The following NTN1 variants were observed in gnomAD, a reference collection of about 807,000 sequenced individuals.
The protein encoded by NTN1 is netrin-1.
NTN1 carries 11 observed loss-of-function variants against 54.2 expected under a neutral mutation model. The ratio of observed to expected loss-of-function variants is 0.20; its 90% CI spans 0.13 to 0.34. The LOEUF (loss-of-function observed/expected upper bound fraction) is 0.34. Ranked by LOEUF, NTN1 falls within the 10% of genes least tolerant of loss-of-function variation. The pLI, the probability that NTN1 is intolerant of heterozygous loss-of-function variation, is 1.00. For synonymous variants in NTN1, 371 were observed against 382.0 expected (o/e 0.97, Z 0.33); for missense variants, 740 against 893.1 (o/e 0.83, Z 2.18).
chr17:9,023,243 C>A lies in NTN1; in HGVS notation c.870C>A (p.His290Gln). 6.4e-7 allele frequency: 1 copy of A among 1,566,958 alleles called. No individual in the cohort carries two copies. The highest frequency in any genetic ancestry group is 2.4e-5 in the East Asian group (1 of 42,168). The change falls in exon 2 of 7, where the codon CAC becomes CAA. Residue 290 changes from histidine to glutamine, a missense_variant. Transcript: ENST00000173229. ...QVGGRCKCNG[H>Q]AARCVRDRDD... ...GCGGCCGGTGCAAGTGCAACGGCCACGCGGCCCGCTGCGTGCGCGACCGCG... is the reference window on the plus strand; with the variant it reads ...GCGGCCGGTGCAAGTGCAACGGCCAAGCGGCCCGCTGCGTGCGCGACCGCG...
Position 9,212,538 on chromosome 17 carries a change from C to T in NTN1, c.1412-8630C>T, listed in dbSNP as rs1330355466. Among the ~76,000 whole-genome samples, 1 of 152,206 alleles carries T rather than the reference C, an allele frequency of 6.6e-6. No individual in the cohort carries two copies. The highest frequency in any genetic ancestry group is 1.9e-4 in the East Asian group (1 of 5,196). On this transcript the variant is annotated intron_variant, in intron 5 of 6. Transcript: ENST00000173229. The surrounding 1 kb of genome is among the most constrained non-coding windows in gnomAD (Gnocchi z 5.5). ...TGTCACCTGCTGGTGGGCAGAATGGCCCAGCCGAAATGGACAGAGCTGGCT... is the reference window on the plus strand; with the variant it reads ...TGTCACCTGCTGGTGGGCAGAATGGTCCAGCCGAAATGGACAGAGCTGGCT...
chr17:9,221,902 G>A lies in NTN1; in HGVS notation c.1486+660G>A, dbSNP rs1308764015. On this transcript the variant is annotated intron_variant, in intron 6 of 6. Coordinates refer to ENST00000173229, the MANE Select transcript of NTN1 (RefSeq NM_004822.3). This position sits in a 1 kb window ranked among gnomAD's most constrained non-coding sequence, Gnocchi z 4.5. ...GTGGAGATGGTCTGGGAGCCTGCAGGAGGAGGGCCCCGCAGTGGCCAGCGG... is the reference window on the plus strand; with the variant it reads ...GTGGAGATGGTCTGGGAGCCTGCAGAAGGAGGGCCCCGCAGTGGCCAGCGG... Among the ~76,000 whole-genome samples the A allele has an allele frequency of 1.3e-5, 2 of 152,170 alleles. No individual in the cohort carries two copies. Among genetic ancestry groups the A allele is most frequent in the African/African-American group, 4.8e-5 (2 of 41,438 alleles).
chr17:9,013,777 A>G, the NTN1 span, among the ~76,000 whole-genome samples: 1 of 152,080 alleles, frequency 6.6e-6, no homozygotes, highest in African/African-American at 2.4e-5. Flanking sequence ...GAGGCCCCCC[A>G]CTATTTTCTC....
chr17:9,079,189 A>G (rs1597479932), intron 2 of NTN1, among the ~76,000 whole-genome samples: 2 of 151,916 alleles, frequency 1.3e-5, no homozygotes, highest in South Asian at 4.2e-4. Context: ...CCTTCTGTAG[A>G]CCCCCTGTTG....
At chr17:9,235,664 A>G (rs1190467994) in intron 6 of NTN1, among the ~76,000 whole-genome samples, 2 of 152,064 alleles carry the variant, frequency 1.3e-5, no homozygotes, top group African/African-American at 2.4e-5. Flanking sequence ...CTGCTTCAGA[A>G]ATGCTGCCTT....
chr17:9,146,126 G>A (rs1013257918), intron 2 of NTN1, among the ~76,000 whole-genome samples: 2 of 152,240 alleles, frequency 1.3e-5, no homozygotes, highest in African/African-American at 4.8e-5. Context: ...TCTTCCTGCC[G>A]TACCTTCAGC....
At position 9,058,637 on chromosome 17, in the gene NTN1, C is replaced by CAAAAAAAAAAAAA. The variant is rs3053457; in HGVS notation, c.1018+35261_1018+35273dup. Among the ~76,000 whole-genome samples the CAAAAAAAAAAAAA allele has an allele frequency of 1.2e-3, 73 of 58,886 alleles. 1 individual carries two copies. The highest frequency in any genetic ancestry group is 1.5e-3 in the Admixed American group (5 of 3,432). 38.6% of individuals were successfully genotyped at this position (58,886 alleles called of 152,430 possible). A position where few individuals can be genotyped will look rare whatever the true frequency, so the allele number is the denominator to read the frequency against. ...AGATCCTTGGCCCATGGTAGGCACT[C>CAAAAAAAAAAAAA]AAAAAAAAAAAAAAAAAAAAAAAAA... On this transcript the variant is annotated intron_variant, in intron 2 of 6. Coordinates refer to ENST00000173229, the MANE Select transcript of NTN1 (RefSeq NM_004822.3).
At chr17:9,102,485 T>TA (rs1259707028) in intron 2 of NTN1, among the ~76,000 whole-genome samples, 2 of 152,148 alleles carry the variant, frequency 1.3e-5, no homozygotes, top group Non-Finnish European at 1.5e-5. Context: ...GTCCTTCCCA[T>TA]ATCCCCATAA....
chr17:9,079,523 G>A (rs2092063201), intron 2 of NTN1, among the ~76,000 whole-genome samples: 1 of 152,210 alleles, frequency 6.6e-6, no homozygotes, highest in African/African-American at 2.4e-5. Flanking sequence ...CCACCCCTGA[G>A]GAAGTGTTTC....
At chr17:9,182,444 C>A in intron 4 of NTN1, among the ~76,000 whole-genome samples, 1 of 152,350 alleles carries the variant, frequency 6.6e-6, no homozygotes, top group East Asian at 1.9e-4. Flanking sequence ...CTTCTCTGCA[C>A]GTGGGAGAAA....
chr17:9,100,285 G>C (rs1440676948), intron 2 of NTN1, among the ~76,000 whole-genome samples: 1 of 151,940 alleles, frequency 6.6e-6, no homozygotes, highest in Non-Finnish European at 1.5e-5. Context: ...TCAGCAATAT[G>C]TCATGCATAT....
At position 9,241,799 on chromosome 17, in the gene NTN1, G is replaced by A. The variant is rs1202660721; in HGVS notation, c.*1831G>A. 6.6e-6 allele frequency: 1 copy of A among 152,274 alleles called. No individual in the cohort carries two copies. The highest frequency in any genetic ancestry group is 6.5e-5 in the Admixed American group (1 of 15,290). The allele number at this position is 152,274 out of a possible 1,614,324, so 9.4% of individuals were successfully genotyped here. A position where few individuals can be genotyped will look rare whatever the true frequency, so the allele number is the denominator to read the frequency against. On this transcript the variant is annotated 3_prime_UTR_variant, in exon 7 of 7. Coordinates refer to ENST00000173229, the MANE Select transcript of NTN1 (RefSeq NM_004822.3). ...AGGAGACTGGAGTACACGTGCCCAA[G>A]GTCATGCTGCAAATTGGTGGCAGGA...
intron 2 of NTN1, among the ~76,000 whole-genome samples, chr17:9,046,809 G>C (rs1211406398): frequency 6.6e-6 from 1 of 152,032 alleles, no homozygotes; most frequent in East Asian, 1.9e-4. Context: ...AAATAAAAAA[G>C]AGAAAAAACA....
At chr17:9,120,467 T>C (rs1463888784) in intron 2 of NTN1, among the ~76,000 whole-genome samples, 2 of 152,158 alleles carry the variant, frequency 1.3e-5, no homozygotes, top group African/African-American at 4.8e-5. Context: ...ACATTTTCTT[T>C]AGTTTTCTTC....
intron 3 of NTN1, among the ~76,000 whole-genome samples, chr17:9,170,753 A>AGGCCTGAGCT (rs1377168606): frequency 6.6e-6 from 1 of 152,000 alleles, no homozygotes; most frequent in South Asian, 2.1e-4. Flanking sequence ...GGCTGTTGGG[A>AGGCCTGAGCT]GGCCTGAGCT....
intron 2 of NTN1, among the ~76,000 whole-genome samples, chr17:9,128,012 G>A (rs2092253021): frequency 6.6e-6 from 1 of 152,062 alleles, no homozygotes; most frequent in African/African-American, 2.4e-5. Context: ...AGCTACTCAG[G>A]AAGCTGAGGC....
intron 2 of NTN1, among the ~76,000 whole-genome samples, chr17:9,111,982 A>C (rs2092192990): frequency 6.6e-6 from 1 of 152,252 alleles, no homozygotes; most frequent in Non-Finnish European, 1.5e-5. Context: ...CTATTGAACT[A>C]AAATTCAGTG....
chr17:9,042,192 G>A (rs2091924412), intron 2 of NTN1, among the ~76,000 whole-genome samples: 1 of 152,118 alleles, frequency 6.6e-6, no homozygotes, highest in Non-Finnish European at 1.5e-5. Flanking sequence ...ATTCTGGTGG[G>A]TGTGAAGGGG....
chr17:9,051,884 G>GT (rs1220750125), intron 2 of NTN1, among the ~76,000 whole-genome samples: 1 of 151,436 alleles, frequency 6.6e-6, no homozygotes, highest in Non-Finnish European at 1.5e-5. Flanking sequence ...AAAACGGGTA[G>GT]TTTTTTCATC....
Sources: gnomAD v4.1 joint callset for allele counts (sites outside exome capture counted in the v4.1 genomes callset) on GRCh38, gnomAD v4.1.1 for gene constraint, Gnocchi (gnomAD v3.1) non-coding constraint, MANE v1.5 for transcripts, NCBI Gene and HGNC (gene_info 2026-07-23, HGNC 2026-07-21) for gene names.